The following FCHSD2 variants were observed in gnomAD, a reference collection of about 807,000 sequenced individuals.
The protein encoded by FCHSD2 is FCH and double SH3 domains 2.
Under a neutral mutation model 108.1 loss-of-function variants are expected in FCHSD2, and 38 were observed. That is an observed-to-expected ratio of 0.35 (90% CI 0.27 to 0.46). The LOEUF is 0.46. Ranked by LOEUF, FCHSD2 falls within the 20% of genes least tolerant of loss-of-function variation. FCHSD2 has a pLI of 1.00. For synonymous variants in FCHSD2, 279 were observed against 314.7 expected (o/e 0.89, Z 1.20); for missense variants, 751 against 897.8 (o/e 0.84, Z 2.09).
rs1479848074 is a variant in FCHSD2, at chr11:72,841,506, G to T, written c.2004C>A (p.Pro668=). ...LYDQPPSSPY[P]SPDKRSSLYF... ...ACAGGGAGCTCCTCTTATCTGGGCT[G>T]GGGTAGGGGCTGCTGGGAGGCTGGT... The change falls in exon 18 of 20, where the codon CCC becomes CCA. Residue 668 remains proline, a synonymous_variant. Coordinates refer to ENST00000409418, the MANE Select transcript of FCHSD2 (RefSeq NM_014824.3). The T allele has an allele frequency of 6.2e-7, 1 of 1,611,362 alleles. No homozygotes were observed. Among genetic ancestry groups the T allele is most frequent in the African/African-American group, 1.3e-5 (1 of 74,852 alleles).
At chr11:72,983,221 G>C (rs1411549385) in intron 8 of FCHSD2, among the ~76,000 whole-genome samples, 1 of 151,148 alleles carries the variant, frequency 6.6e-6, no homozygotes, top group Non-Finnish European at 1.5e-5. Flanking sequence ...GTGAACCCGG[G>C]AGGCGGAGCT....
chr11:73,018,548 C>T (rs574717403), intron 3 of FCHSD2, among the ~76,000 whole-genome samples: 5 of 150,806 alleles, frequency 3.3e-5, no homozygotes, highest in Admixed American at 1.3e-4. Flanking sequence ...ATTATATCCC[C>T]GGCTATAGCA....
intron 3 of FCHSD2, among the ~76,000 whole-genome samples, chr11:73,043,088 C>T (rs748453353): frequency 3.9e-5 from 6 of 152,278 alleles, no homozygotes; most frequent in East Asian, 1.9e-4. Flanking sequence ...TCTGCCACAA[C>T]GCTGAATAGG....
chr11:73,093,336 C>T (rs1860000591), intron 2 of FCHSD2, among the ~76,000 whole-genome samples: 2 of 152,104 alleles, frequency 1.3e-5, no homozygotes, highest in Admixed American at 6.5e-5. Flanking sequence ...TCTGAGAGTC[C>T]TGGCAAATTA....
intron 8 of FCHSD2, among the ~76,000 whole-genome samples, chr11:72,922,753 G>A (rs1232807605): frequency 1.3e-5 from 2 of 152,076 alleles, no homozygotes; most frequent in African/African-American, 4.8e-5. Context: ...AGGTTCTGAA[G>A]TCTTGCCAAT....
At chr11:73,115,848 T>C (rs534770188) in intron 2 of FCHSD2, among the ~76,000 whole-genome samples, 3 of 152,362 alleles carry the variant, frequency 2.0e-5, no homozygotes, top group African/African-American at 7.2e-5. Context: ...GGTAGCCTCC[T>C]TTACTTAAAG....
intron 6 of FCHSD2, among the ~76,000 whole-genome samples, chr11:72,987,197 G>C (rs972099291): frequency 5.3e-5 from 8 of 152,036 alleles, no homozygotes; most frequent in African/African-American, 1.9e-4. Context: ...AAAAACTATA[G>C]GTAGTACAGT....
At chr11:73,088,437 C>T (rs1859875085) in intron 2 of FCHSD2, among the ~76,000 whole-genome samples, 1 of 151,928 alleles carries the variant, frequency 6.6e-6, no homozygotes, top group Non-Finnish European at 1.5e-5. Flanking sequence ...CATCATTAAG[C>T]AATGCATGAT....
chr11:72,942,545 T>C (rs1329110994), intron 8 of FCHSD2, among the ~76,000 whole-genome samples: 1 of 152,198 alleles, frequency 6.6e-6, no homozygotes, highest in African/African-American at 2.4e-5. Flanking sequence ...TAGAAGGATA[T>C]GCCAAGATGA....
At chr11:72,901,239 A>G (rs1414015145) in intron 10 of FCHSD2, among the ~76,000 whole-genome samples, 4 of 152,016 alleles carry the variant, frequency 2.6e-5, no homozygotes, top group Admixed American at 6.6e-5. Context: ...TATTGAAAAT[A>G]CAAAGAAAAT....
chr11:72,938,146 C>A (rs1356066558), intron 8 of FCHSD2, among the ~76,000 whole-genome samples: 1 of 149,694 alleles, frequency 6.7e-6, no homozygotes, highest in African/African-American at 2.5e-5. Context: ...GAAGGTAAGA[C>A]TGGGGCAGTA....
intron 8 of FCHSD2, among the ~76,000 whole-genome samples, chr11:72,977,717 A>G (rs1436080094): frequency 6.6e-6 from 1 of 152,248 alleles, no homozygotes; most frequent in East Asian, 1.9e-4. Flanking sequence ...ACACTTTTAC[A>G]CTGTTGGTGG....
In FCHSD2 at chr11:72,981,641, T is replaced by C. The variant is rs528576961; in HGVS notation, c.705+2447A>G. Among the ~76,000 whole-genome samples the C allele has an allele frequency of 1.2e-3, 179 of 152,314 alleles. 1 individual carries two copies. Among genetic ancestry groups the C allele is most frequent in the African/African-American group, 4.1e-3 (172 of 41,578 alleles). On this transcript the variant is annotated intron_variant, in intron 8 of 19. Coordinates refer to ENST00000409418, the MANE Select transcript of FCHSD2 (RefSeq NM_014824.3). ...TTAGTAAATGTGTTCTTTGAAACTG[T>C]TGGTCCTTGTAAGTCTGAAGCACTA...
intron 13 of FCHSD2, among the ~76,000 whole-genome samples, chr11:72,857,930 T>C (rs890304334): frequency 6.6e-6 from 1 of 152,232 alleles, no homozygotes; most frequent in African/African-American, 2.4e-5. Flanking sequence ...CTATGTCACT[T>C]ACTTGTTGTG....
chr11:72,959,623 TAA>T (rs1244932603), intron 8 of FCHSD2, among the ~76,000 whole-genome samples: 1 of 152,076 alleles, frequency 6.6e-6, no homozygotes, highest in Admixed American at 6.5e-5. Flanking sequence ...CCACATGAAA[TAA>T]AAAGTCTCCA....
At chr11:72,947,685 T>C (rs893390633) in intron 8 of FCHSD2, among the ~76,000 whole-genome samples, 2 of 152,212 alleles carry the variant, frequency 1.3e-5, no homozygotes, top group East Asian at 1.9e-4. Flanking sequence ...AGTTAGTTCA[T>C]AGATTTCTGA....
intron 4 of FCHSD2, among the ~76,000 whole-genome samples, 177 bp downstream of exon 4, chr11:73,015,632 T>C (rs1591483744): frequency 6.6e-6 from 1 of 152,138 alleles, no homozygotes; most frequent in Non-Finnish European, 1.5e-5. Context: ...TACAATCTAT[T>C]TTAGATTATT....
intron 3 of FCHSD2, among the ~76,000 whole-genome samples, chr11:73,050,414 T>C (rs1858871137): frequency 6.6e-6 from 1 of 152,224 alleles, no homozygotes; most frequent in Non-Finnish European, 1.5e-5. Flanking sequence ...TATATGTACA[T>C]TTATAAACCA....
In FCHSD2 at chr11:72,984,122, C is replaced by T. The variant is rs769026499; in HGVS notation, c.671G>A (p.Arg224His). ...GTTAACTAAATCTGTTTGATAGTAG[C>T]GATCCTGATGTGCATTTGCTGCCGC... ...TLAAANAHQD[R>H]YYQTDLVNIM... The change falls in exon 8 of 20, where the codon CGC (arginine) becomes CAC (histidine). Residue 224 changes from arginine (R) to histidine (H), a missense_variant. Arg to His is a conservative substitution (Grantham distance 29, BLOSUM62 0). Coordinates refer to ENST00000409418, the MANE Select transcript of FCHSD2 (RefSeq NM_014824.3). The T allele has an allele frequency of 6.2e-6, 10 of 1,613,174 alleles. No individual in the cohort carries two copies. Among genetic ancestry groups the T allele is most frequent in the Middle Eastern group, 1.6e-4 (1 of 6,084 alleles).
Sources: allele counts gnomAD v4.1 joint callset (sites outside exome capture counted in the v4.1 genomes callset), GRCh38; gene constraint gnomAD v4.1.1; transcripts MANE v1.5; gene names NCBI Gene and HGNC (gene_info 2026-07-23, HGNC 2026-07-21).